MYT1L: variants seen among roughly 807,000 people sequenced by gnomAD.
MYT1L encodes the protein myelin transcription factor 1 like, also known as myelin transcription factor 1-like protein.
A neutral mutation model predicts 126.7 loss-of-function variants in MYT1L; 12 were observed. The ratio of observed to expected loss-of-function variants is 0.09; its 90% confidence interval spans 0.06 to 0.15. MYT1L has a LOEUF of 0.15. Among genes scored for constraint, MYT1L ranks in the 10% least tolerant of loss-of-function variants. The probability of loss-of-function intolerance (pLI) is 1.00; values close to 1 mark genes in which losing one functional copy is unlikely to be tolerated. For missense variants in MYT1L, 979 were observed against 1,585.2 expected (o/e 0.62, Z 6.49); for synonymous variants, 541 against 604.2 (o/e 0.90, Z 1.53).
intron 3 of MYT1L, among the ~76,000 whole-genome samples, chr2:2,135,867 C>T (rs530846495): frequency 3.3e-5 from 5 of 152,200 alleles, no homozygotes; most frequent in Non-Finnish European, 7.3e-5. Context: ...TGGCCTTTAA[C>T]CCTGGTCCTC....
chr2:1,861,852 G>GTAATCCTGGATCTGCCTGCAGCCTGAA, intron 18 of MYT1L, among the ~76,000 whole-genome samples: 1 of 152,406 alleles, frequency 6.6e-6, no homozygotes. Context: ...TGCAGCCTGT[G>GTAATCCTGGATCTGCCTGCAGCCTGAA]TAATCCTAGA....
At chr2:1,949,759 T>A (rs1300310542) in intron 8 of MYT1L, among the ~76,000 whole-genome samples, 5 of 152,152 alleles carry the variant, frequency 3.3e-5, no homozygotes, top group Non-Finnish European at 5.9e-5. Context: ...GTGGGAAGTG[T>A]CCTGTGCGTG....
At chr2:2,066,506 A>C (rs1291693825) in intron 3 of MYT1L, among the ~76,000 whole-genome samples, 2 of 152,202 alleles carry the variant, frequency 1.3e-5, no homozygotes, top group Admixed American at 1.3e-4. Context: ...ATTTGTTGTG[A>C]ATTTAAATAA....
intron 10 of MYT1L, among the ~76,000 whole-genome samples, chr2:1,921,856 T>G (rs1389806908): frequency 6.6e-6 from 1 of 152,234 alleles, no homozygotes; most frequent in Non-Finnish European, 1.5e-5. Context: ...CAAATCATGA[T>G]GCCATTTCCC....
intron 21 of MYT1L, among the ~76,000 whole-genome samples, chr2:1,831,256 C>CCCAGATGGAGCTCTGCTCCGAGG (rs1558685145): frequency 6.6e-6 from 1 of 152,156 alleles, no homozygotes; most frequent in Non-Finnish European, 1.5e-5. Flanking sequence ...CCCAGCTCCC[C>CCCAGATGGAGCTCTGCTCCGAGG]AGTGCAGTTA....
intron 2 of MYT1L, among the ~76,000 whole-genome samples, chr2:2,176,422 T>C (rs1005771871): frequency 3.3e-5 from 5 of 152,168 alleles, no homozygotes; most frequent in African/African-American, 9.7e-5. Context: ...AAGGTTCGGG[T>C]CTACCTCCCA....
At chr2:1,923,705 T>C (rs557761514) in intron 9 of MYT1L, among the ~76,000 whole-genome samples, 1 of 152,306 alleles carries the variant, frequency 6.6e-6, no homozygotes, top group African/African-American at 2.4e-5. Context: ...GAAGCAGATG[T>C]TTGCAGCAAT....
At chr2:2,236,427 T>C (rs1332056305) in intron 2 of MYT1L, among the ~76,000 whole-genome samples, 1 of 103,724 alleles carries the variant, frequency 9.6e-6, no homozygotes, top group African/African-American at 3.8e-5. Context: ...CCCAGCCCAG[T>C]ACAACCCAAC....
intron 3 of MYT1L, among the ~76,000 whole-genome samples, chr2:2,119,680 A>C (rs2080717873): frequency 6.6e-6 from 1 of 152,204 alleles, no homozygotes; most frequent in Non-Finnish European, 1.5e-5. Context: ...CTTGCTAGTG[A>C]CAAGAGTTAA....
intron 5 of MYT1L, among the ~76,000 whole-genome samples, chr2:1,988,034 A>G (rs1361574328): frequency 6.6e-6 from 1 of 152,228 alleles, no homozygotes; most frequent in Non-Finnish European, 1.5e-5. Context: ...AGTTGCTCCA[A>G]ACAAGTTTCC....
intron 2 of MYT1L, among the ~76,000 whole-genome samples, chr2:2,211,902 C>T (rs1056271871): frequency 2.6e-5 from 4 of 151,072 alleles, no homozygotes; most frequent in Admixed American, 2.0e-4. Flanking sequence ...TTTTCACAGT[C>T]ATCCCATTTC....
chr2:2,305,988 A>G (rs1573402252), intron 1 of MYT1L: 1 of 152,218 alleles, frequency 6.6e-6, no homozygotes, highest in Admixed American at 6.5e-5. Context: ...GCCAGTGTTC[A>G]TCTGTCCCAC....
rs1572245471 is a variant in MYT1L at position 1,790,986 on chromosome 2, T to C, written c.*881A>G. ...AAACTCTAGGGGAGATACGAGAAGG[T>C]TGTTCCAAAGTTTATTGAAAATGGA... On this transcript the variant is annotated 3_prime_UTR_variant, in exon 25 of 25. Coordinates refer to ENST00000647738, the MANE Select transcript of MYT1L (RefSeq NM_001303052.2). The C allele has an allele frequency of 3.5e-6, 1 of 288,494 alleles. No individual in the cohort carries two copies. Among genetic ancestry groups the C allele is most frequent in the African/African-American group, 2.2e-5 (1 of 45,694 alleles). The allele number at this position is 288,494 out of a possible 1,614,324, so 17.9% of individuals were successfully genotyped here. A position where few individuals can be genotyped will look rare whatever the true frequency, so the allele number is the denominator to read the frequency against.
rs2060398994 is a variant in MYT1L at position 1,979,088 on chromosome 2, C to T, written c.152+77G>A. ...TGCTTTCCAAGAACACCTGCTCACACAGTTCATCATCAGGACTGGGTCCCC... is the reference window on the plus strand; with the variant it reads ...TGCTTTCCAAGAACACCTGCTCACATAGTTCATCATCAGGACTGGGTCCCC... On this transcript the variant is annotated intron_variant, in intron 8 of 24. Transcript: ENST00000647738. This position sits in a 1 kb window ranked among gnomAD's most constrained non-coding sequence, Gnocchi z 4.0. 1 of 1,166,200 alleles carries T rather than the reference C, an allele frequency of 8.6e-7. No homozygotes were observed. The highest frequency in any genetic ancestry group is 1.3e-6 in the Non-Finnish European group (1 of 793,722). 72.2% of individuals were successfully genotyped at this position (1,166,200 alleles called of 1,614,324 possible). A position where few individuals can be genotyped will look rare whatever the true frequency, so the allele number is the denominator to read the frequency against.
At chr2:1,954,663 C>G (rs975737182) in intron 8 of MYT1L, among the ~76,000 whole-genome samples, 1 of 152,136 alleles carries the variant, frequency 6.6e-6, no homozygotes, top group Non-Finnish European at 1.5e-5. Context: ...TGGGATAGCA[C>G]TGGTGCCATT....
chr2:2,209,804 A>G (rs918891637), intron 2 of MYT1L, among the ~76,000 whole-genome samples: 2 of 152,122 alleles, frequency 1.3e-5, no homozygotes, highest in African/African-American at 4.8e-5. Flanking sequence ...TCTTTTGGGT[A>G]TATACTCAGC....
intron 11 of MYT1L, among the ~76,000 whole-genome samples, chr2:1,913,450 C>G (rs558184463): frequency 6.6e-6 from 1 of 152,138 alleles, no homozygotes. Context: ...TTCCCTGCCC[C>G]CTTCCTCCCT....
intron 2 of MYT1L, among the ~76,000 whole-genome samples, chr2:2,249,677 A>C (rs780077918): frequency 5.9e-5 from 9 of 152,112 alleles, no homozygotes; most frequent in Non-Finnish European, 8.8e-5. Flanking sequence ...GGACAAATGG[A>C]ATCACATCAA....
rs2036687849 is a variant in MYT1L at position 1,811,695 on chromosome 2, G to A, written c.3081-2528C>T. The stretch of plus-strand genomic sequence containing the variant: ...CACCCTGCCTGCTGCTGTTTACACC[G>A]GAAATCCCTGTGCTACTCAAGCTGT... On this transcript the variant is annotated intron_variant, in intron 21 of 24. Transcript: ENST00000647738. The surrounding 1 kb of genome is among the most constrained non-coding windows in gnomAD (Gnocchi z 4.4). Among the ~76,000 whole-genome samples, 2 of 152,130 alleles carry A rather than the reference G, an allele frequency of 1.3e-5. No individual in the cohort carries two copies. Among genetic ancestry groups the A allele is most frequent in the South Asian group, 2.1e-4 (1 of 4,826 alleles).
Sources: allele counts gnomAD v4.1 joint callset (sites outside exome capture counted in the v4.1 genomes callset), GRCh38; gene constraint gnomAD v4.1.1; non-coding constraint Gnocchi (gnomAD v3.1); transcripts MANE v1.5; gene names NCBI Gene and HGNC (gene_info 2026-07-23, HGNC 2026-07-21).